The following POLK variants were observed in gnomAD, a reference collection of about 807,000 sequenced individuals.
The protein encoded by POLK is polymerase (DNA directed) kappa.
Under a neutral mutation model 94.0 loss-of-function variants are expected in POLK, and 76 were observed. The observed-to-expected ratio is 0.81, with a 90% CI of 0.67 to 0.98. POLK has a LOEUF of 0.98. Among genes scored for constraint, POLK ranks in the 50% least tolerant of loss-of-function variants. The probability of loss-of-function intolerance (pLI) is 0.00; values close to 1 mark genes in which losing one functional copy is unlikely to be tolerated. For missense variants in POLK, 954 were observed against 1,010.1 expected (o/e 0.94, Z 0.75); for synonymous variants, 349 against 325.4 (o/e 1.07, Z -0.78).
chr5:75,511,181 C>A, upstream of POLK: 2 of 1,612,780 alleles, frequency 1.2e-6, no homozygotes, highest in Non-Finnish European at 1.7e-6. Flanking sequence ...CCGAGCCCGA[C>A]GAGTTCCAGC....
chr5:75,572,763 TTAA>T (rs1771659851), intron 4 of POLK, among the ~76,000 whole-genome samples: 1 of 152,090 alleles, frequency 6.6e-6, no homozygotes, highest in African/African-American at 2.4e-5. Flanking sequence ...AAAACTTGGA[TTAA>T]AACAGTGGCC....
At chr5:75,606,052 C>T (rs1294073028), downstream of POLK, among the ~76,000 whole-genome samples, 1 of 118,558 alleles carries the variant, frequency 8.4e-6, no homozygotes, top group Non-Finnish European at 1.7e-5. Context: ...GTGTCAGGGT[C>T]ACAAGACAAT....
chr5:75,596,165 A>G (rs1427210182), intron 12 of POLK, 57 bp from the exon 13 acceptor site: 3 of 937,734 alleles, frequency 3.2e-6, no homozygotes, highest in Non-Finnish European at 5.0e-6. Flanking sequence ...GTTTTTATGC[A>G]TTGTGAGTGA....
At chr5:75,608,098 G>C in the POLK span, among the ~76,000 whole-genome samples, 1 of 152,116 alleles carries the variant, frequency 6.6e-6, no homozygotes, top group African/African-American at 2.4e-5. Flanking sequence ...ACAAGTTACT[G>C]TTCCCATGGC....
chr5:75,542,786 C>T (rs1769814004), intron 1 of POLK, among the ~76,000 whole-genome samples: 1 of 149,990 alleles, frequency 6.7e-6, no homozygotes, highest in South Asian at 2.1e-4. Context: ...CAACCTGGCT[C>T]ACTGCAACCG....
upstream of POLK, chr5:75,511,178 C>T: frequency 6.2e-7 from 1 of 1,612,790 alleles, no homozygotes; most frequent in Non-Finnish European, 8.5e-7. Flanking sequence ...CCTCCGAGCC[C>T]GACGAGTTCC....
At chr5:75,513,116 T>A (rs1223914785) in intron 1 of POLK, among the ~76,000 whole-genome samples, 1 of 152,242 alleles carries the variant, frequency 6.6e-6, no homozygotes, top group East Asian at 1.9e-4. Flanking sequence ...CGATTCTGAA[T>A]GGTTGGTAGC....
intron 1 of POLK, among the ~76,000 whole-genome samples, chr5:75,514,513 T>C (rs1768230290): frequency 6.6e-6 from 1 of 152,216 alleles, no homozygotes; most frequent in East Asian, 1.9e-4. Context: ...AACATTGTTT[T>C]AGGTTCATTT....
At chr5:75,535,148 T>TAGTGGTA (rs1245049361) in intron 1 of POLK, among the ~76,000 whole-genome samples, 2 of 152,244 alleles carry the variant, frequency 1.3e-5, no homozygotes, top group African/African-American at 4.8e-5. Context: ...AAGGCAGGTA[T>TAGTGGTA]AGTGGTAACT....
At position 75,524,948 on chromosome 5, in the gene POLK, G is replaced by A. The variant is rs551532406; in HGVS notation, c.-14+13034G>A. On this transcript the variant is annotated intron_variant, in intron 1 of 14. Coordinates refer to ENST00000241436, the Ensembl canonical transcript of POLK. ...TTGCATAGTCTACATGCATGCCCAC[G>A]GCAAATTGAGAGCAATCTGAACTGA... 1.1e-4 allele frequency among the ~76,000 whole-genome samples: 16 copies of A among 152,216 alleles called. No homozygotes were observed. The South Asian group carries it at 2.9e-3, about 28-fold the overall frequency.
intron 2 of POLK, among the ~76,000 whole-genome samples, 177 bp downstream of exon 2, chr5:75,547,334 A>G (rs1219531363): frequency 6.6e-6 from 1 of 152,068 alleles, no homozygotes; most frequent in Non-Finnish European, 1.5e-5. Flanking sequence ...CCTACCATCC[A>G]GGTTTCTATT....
intron 1 of POLK, among the ~76,000 whole-genome samples, chr5:75,518,130 T>C (rs968303925): frequency 6.6e-6 from 1 of 152,222 alleles, no homozygotes; most frequent in African/African-American, 2.4e-5. Flanking sequence ...AAGGTAATGC[T>C]GGCCTTGTAG....
At chr5:75,522,257 C>A (rs886369101) in intron 1 of POLK, among the ~76,000 whole-genome samples, 4 of 152,162 alleles carry the variant, frequency 2.6e-5, no homozygotes, top group African/African-American at 9.7e-5. Context: ...TGGTGTCAGG[C>A]AGGTTGTGGG....
rs185839273 is a variant in POLK, at chr5:75,564,147, A to T, written c.256-5193A>T. Among the ~76,000 whole-genome samples, 83 of 152,252 alleles carry T rather than the reference A, an allele frequency of 5.5e-4. 1 individual carries two copies. The highest frequency in any genetic ancestry group is 1.9e-3 in the African/African-American group (78 of 41,546). ...TACATTGATCCCTTTACCATTATGT[A>T]ATGCCCTTCTTTGTCTCTTTTCATC... On this transcript the variant is annotated intron_variant, in intron 3 of 14. Coordinates refer to ENST00000241436, the Ensembl canonical transcript of POLK.
At chr5:75,578,404 G>A (rs745925519) in intron 6 of POLK, among the ~76,000 whole-genome samples, 6 of 152,266 alleles carry the variant, frequency 3.9e-5, no homozygotes, top group African/African-American at 7.2e-5. Context: ...TGATCTGCCC[G>A]CCTCGGCCTT....
chr5:75,596,905 A>G (rs1375791827), exon 13 of POLK: 1 of 1,613,660 alleles, frequency 6.2e-7, no homozygotes, highest in Non-Finnish European at 8.5e-7. Context: ...GTCTTTTAAT[A>G]TTGAACACTG....
At chr5:75,530,862 C>T (rs1333694862) in intron 1 of POLK, among the ~76,000 whole-genome samples, 3 of 147,244 alleles carry the variant, frequency 2.0e-5, no homozygotes, top group African/African-American at 7.5e-5. Flanking sequence ...TGCTGGAGTG[C>T]CGTGGCGCGA....
At chr5:75,584,727 A>T in intron 8 of POLK, 33 bp from the exon 9 acceptor site, 2 of 1,257,978 alleles carry the variant, frequency 1.6e-6, no homozygotes, top group Non-Finnish European at 1.1e-6. Context: ...TCACTTTAAA[A>T]TCTATTAATA....
At chr5:75,591,213 C>T (rs1192894873) in intron 11 of POLK, among the ~76,000 whole-genome samples, 4 of 151,826 alleles carry the variant, frequency 2.6e-5, no homozygotes, top group African/African-American at 9.7e-5. Flanking sequence ...GATAGATATC[C>T]GAAGTACACT....
Sources: gnomAD v4.1 joint callset for allele counts (sites outside exome capture counted in the v4.1 genomes callset) on GRCh38, gnomAD v4.1.1 for gene constraint, MANE v1.5 for transcripts, NCBI Gene and HGNC (gene_info 2026-07-23, HGNC 2026-07-21) for gene names.